The following MNS1 variants were observed in gnomAD, a reference collection of about 807,000 sequenced individuals.
The protein encoded by MNS1 is meiosis-specific nuclear structural protein 1.
Under a neutral mutation model 72.0 loss-of-function variants are expected in MNS1, and 63 were observed. The observed-to-expected ratio is 0.87, with a 90% CI of 0.71 to 1.08. The LOEUF (loss-of-function observed/expected upper bound fraction) is 1.08. Ranked by LOEUF, MNS1 falls within the 50% of genes least tolerant of loss-of-function variation. The probability of loss-of-function intolerance (pLI) is 0.00; values close to 1 mark genes in which losing one functional copy is unlikely to be tolerated. For synonymous variants in MNS1, 188 were observed against 172.1 expected (o/e 1.09, Z -0.72); for missense variants, 604 against 562.4 (o/e 1.07, Z -0.75).
intron 2 of MNS1, among the ~76,000 whole-genome samples, chr15:56,459,793 C>T (rs980033800): frequency 4.6e-5 from 7 of 150,684 alleles, no homozygotes; most frequent in Non-Finnish European, 5.9e-5. Flanking sequence ...GAGTTGGAGA[C>T]GAGCCTGACC....
rs1433387781 is a variant in MNS1, at chr15:56,436,618, G to A, written c.1012-2223C>T. On this transcript the variant is annotated intron_variant, in intron 7 of 9. Coordinates refer to ENST00000260453, the MANE Select transcript of MNS1 (RefSeq NM_018365.4). ...AAATAACTAAGATCAGAGCAGAACT[G>A]AAGGAGATAGAGACACAAAAAACCC... Among the ~76,000 whole-genome samples the A allele has an allele frequency of 4.6e-5, 7 of 152,148 alleles. No homozygotes were observed. In the East Asian group the frequency reaches 1.3e-3, roughly 29 times the overall value.
intron 7 of MNS1, among the ~76,000 whole-genome samples, chr15:56,439,869 T>C (rs2050790604): frequency 6.6e-6 from 1 of 150,692 alleles, no homozygotes; most frequent in Admixed American, 6.6e-5. Flanking sequence ...ACAGAAAGCA[T>C]GATCCATAAA....
intron 3 of MNS1, among the ~76,000 whole-genome samples, chr15:56,451,581 C>A (rs1376061811): frequency 6.6e-6 from 1 of 152,112 alleles, no homozygotes; most frequent in Non-Finnish European, 1.5e-5. Context: ...AATCCTGCAA[C>A]TTTTAGTATG....
At chr15:56,459,990 CAAA>C (rs150132300) in intron 2 of MNS1, among the ~76,000 whole-genome samples, 2 of 11,108 alleles carry the variant, frequency 1.8e-4, no homozygotes, top group African/African-American at 9.0e-4. Flanking sequence ...AATTCTGTCT[CAAA>C]AAAAAAAAAA....
chr15:56,448,342 C>T (rs1382849358), intron 3 of MNS1, among the ~76,000 whole-genome samples: 1 of 152,180 alleles, frequency 6.6e-6, no homozygotes, highest in Non-Finnish European at 1.5e-5. Context: ...GCTCCTGTCA[C>T]CCAGGCAGTG....
chr15:56,436,755 T>TA (rs2050732897), intron 7 of MNS1, among the ~76,000 whole-genome samples: 1 of 151,822 alleles, frequency 6.6e-6, no homozygotes, highest in African/African-American at 2.4e-5. Context: ...ATAGACGCAA[T>TA]AAAAAATGAT....
At chr15:56,463,712 G>T in intron 2 of MNS1, 1 of 229,560 alleles carries the variant, frequency 4.4e-6, no homozygotes, top group Non-Finnish European at 8.4e-6. Flanking sequence ...AACCCCGGAG[G>T]CAGAGGTTGC....
chr15:56,464,327 G>C (rs1303294829), intron 1 of MNS1, 80 bp from the exon 2 acceptor site: 11 of 1,034,614 alleles, frequency 1.1e-5, no homozygotes, highest in African/African-American at 1.6e-5. Context: ...ATAAACCTTA[G>C]TAAGAAAGGA....
intron 3 of MNS1, among the ~76,000 whole-genome samples, chr15:56,455,744 A>G (rs780477932): frequency 9.9e-5 from 15 of 152,092 alleles, no homozygotes; most frequent in Non-Finnish European, 1.8e-4. Flanking sequence ...ATACGGAAGT[A>G]TGGGGGCAAT....
At chr15:56,446,250 G>A (rs1320163045) in intron 4 of MNS1, among the ~76,000 whole-genome samples, 1 of 151,846 alleles carries the variant, frequency 6.6e-6, no homozygotes. Flanking sequence ...GAGCTCAAGG[G>A]ATGATGTGCA....
chr15:56,431,819 A>G (rs2050604959), intron 8 of MNS1, among the ~76,000 whole-genome samples: 1 of 152,012 alleles, frequency 6.6e-6, no homozygotes, highest in Non-Finnish European at 1.5e-5. Context: ...AATGCTTACC[A>G]TATACCAGAT....
At chr15:56,441,384 T>A (rs557653899) in intron 7 of MNS1, among the ~76,000 whole-genome samples, 4 of 152,200 alleles carry the variant, frequency 2.6e-5, no homozygotes, top group African/African-American at 9.6e-5. Context: ...ATTCTCTAAA[T>A]GTCAGGTCAA....
intron 3 of MNS1, 69 bp from the exon 4 acceptor site, chr15:56,447,012 G>A: frequency 1.9e-6 from 2 of 1,039,400 alleles, no homozygotes; most frequent in Middle Eastern, 2.4e-4. Context: ...ACAGAAAACT[G>A]AGTAACTGTA....
chr15:56,453,112 CATT>C (rs2050959067), intron 3 of MNS1, among the ~76,000 whole-genome samples: 1 of 152,026 alleles, frequency 6.6e-6, no homozygotes, highest in African/African-American at 2.4e-5. Context: ...TAAATTTATT[CATT>C]ATTATTTGAC....
At chr15:56,444,744 A>G in intron 4 of MNS1, 71 bp from the exon 5 acceptor site, 1 of 1,207,656 alleles carries the variant, frequency 8.3e-7, no homozygotes, top group South Asian at 1.4e-5. Flanking sequence ...TTTTACACCA[A>G]TGTTATTGAA....
chr15:56,434,242 T>C lies in MNS1; in HGVS notation c.1165A>G (p.Ile389Val), dbSNP rs766662682. ...MLAKFAEDDR[I>V]ELMNAQKQRM... is the part of the protein sequence containing the mutation. ...TGTTTCTGAGCATTCATTAATTCTA[T>C]TCGATCATCCTCAGCAAATTTAGCT... The change falls in exon 8 of 10, where the codon ATA becomes GTA. Residue 389 changes from isoleucine (I) to valine (V), a missense_variant. Physicochemically the swap from Ile to Val is conservative, Grantham distance 29. Transcript: ENST00000260453. The C allele has an allele frequency of 2.5e-6, 4 of 1,613,990 alleles. No homozygotes were observed. In the South Asian group the frequency reaches 3.3e-5, roughly 13 times the overall value.
chr15:56,452,291 A>G (rs571970623), intron 3 of MNS1, among the ~76,000 whole-genome samples: 2 of 152,252 alleles, frequency 1.3e-5, no homozygotes, highest in East Asian at 3.9e-4. Flanking sequence ...ACTAGGTGCA[A>G]AAGGCCTCTA....
chr15:56,434,439 C>A, intron 7 of MNS1, 44 bp from the exon 8 acceptor site: 6 of 1,543,344 alleles, frequency 3.9e-6, no homozygotes, highest in Non-Finnish European at 5.3e-6. Flanking sequence ...TATTTCCTTA[C>A]ACCAGATTTA....
chr15:56,452,262 TG>T (rs1263068451), intron 3 of MNS1, among the ~76,000 whole-genome samples: 1 of 152,032 alleles, frequency 6.6e-6, no homozygotes, highest in East Asian at 1.9e-4. Context: ...AAAAGGCACA[TG>T]GGTGAAATTC....
Sources: gnomAD v4.1 joint callset for allele counts (sites outside exome capture counted in the v4.1 genomes callset) on GRCh38, gnomAD v4.1.1 for gene constraint, MANE v1.5 for transcripts, NCBI Gene and HGNC (gene_info 2026-07-23, HGNC 2026-07-21) for gene names.